ASIC2: variants seen among roughly 807,000 people sequenced by gnomAD.
ASIC2 encodes acid sensing ion channel subunit 2.
A neutral mutation model predicts 57.3 loss-of-function variants in ASIC2; 25 were observed. That is an observed-to-expected ratio of 0.44 (90% CI 0.32 to 0.61). The LOEUF (loss-of-function observed/expected upper bound fraction) is 0.61. Among genes scored for constraint, ASIC2 ranks in the 20% least tolerant of loss-of-function variants. The pLI is 0.06. For synonymous variants in ASIC2, 319 were observed against 307.5 expected, an observed-to-expected ratio of 1.04 and a Z score of -0.39; for missense variants, 641 against 738.1, an observed-to-expected ratio of 0.87 and a Z score of 1.52.
intron 1 of ASIC2, among the ~76,000 whole-genome samples, chr17:33,774,146 C>A (rs1183749408): frequency 6.6e-6 from 1 of 152,182 alleles, no homozygotes; most frequent in African/African-American, 2.4e-5. Context: ...CATATTTCTT[C>A]CCCTGCATCA....
At chr17:33,075,940 G>A (rs2092087510) in intron 3 of ASIC2, among the ~76,000 whole-genome samples, 1 of 152,172 alleles carries the variant, frequency 6.6e-6, no homozygotes, top group Non-Finnish European at 1.5e-5. Context: ...GATTTTAGGA[G>A]CTAAGGAACA....
chr17:33,162,994 TGA>T (rs1196394369), intron 1 of ASIC2, among the ~76,000 whole-genome samples: 2 of 152,212 alleles, frequency 1.3e-5, no homozygotes, highest in African/African-American at 4.8e-5. Context: ...GAACTCTGAC[TGA>T]GAGTCTACTG....
chr17:33,750,931 G>A (rs1424302499), intron 1 of ASIC2, among the ~76,000 whole-genome samples: 1 of 152,132 alleles, frequency 6.6e-6, no homozygotes, highest in South Asian at 2.1e-4. Flanking sequence ...GCAAGACTCA[G>A]GGAAATAAAG....
intron 1 of ASIC2, among the ~76,000 whole-genome samples, chr17:33,578,773 G>T (rs1257132884): frequency 7.0e-6 from 1 of 141,990 alleles, no homozygotes; most frequent in Non-Finnish European, 1.5e-5. Context: ...GGAAGGTGCT[G>T]ATTTCGCATA....
intron 1 of ASIC2, among the ~76,000 whole-genome samples, chr17:33,854,888 C>T (rs73288654): frequency 0.023 from 3,568 of 152,288 alleles, 119 homozygotes; most frequent in African/African-American, 0.081. Flanking sequence ...AAAACACGTG[C>T]TGTCTCCAGA....
chr17:33,277,457 G>A (rs1904750880), intron 1 of ASIC2, among the ~76,000 whole-genome samples: 1 of 152,170 alleles, frequency 6.6e-6, no homozygotes, highest in Non-Finnish European at 1.5e-5. Context: ...TGGCTTTACT[G>A]CACCACATGG....
chr17:33,443,044 G>T (rs1280573237), intron 1 of ASIC2, among the ~76,000 whole-genome samples: 5 of 152,114 alleles, frequency 3.3e-5, no homozygotes. Flanking sequence ...TATGGTTTTT[G>T]ATATTTCTTC....
At chr17:33,503,637 A>G (rs945898235) in intron 1 of ASIC2, among the ~76,000 whole-genome samples, 1 of 152,018 alleles carries the variant, frequency 6.6e-6, no homozygotes, top group Non-Finnish European at 1.5e-5. Context: ...TCCTCCTCCA[A>G]ATCAAAACCT....
Position 33,959,025 on chromosome 17 carries a change from T to G in ASIC2, c.555+196953A>C, listed in dbSNP as rs1904834042. Reference sequence around the variant, plus strand: ...TGCAAAAAGCATAACAAGAGTGACCTTGGCTCCAGTTCCTAAGTTCCTCAT... The same window carrying G: ...TGCAAAAAGCATAACAAGAGTGACCGTGGCTCCAGTTCCTAAGTTCCTCAT... On this transcript the variant is annotated intron_variant, in intron 1 of 9. Coordinates refer to the ASIC2 transcript ENST00000359872. 2.0e-5 allele frequency among the ~76,000 whole-genome samples: 3 copies of G among 152,318 alleles called. No individual in the cohort carries two copies. In the South Asian group the frequency reaches 6.2e-4, roughly 32 times the overall value.
At chr17:33,913,960 C>G (rs1915526742) in intron 1 of ASIC2, among the ~76,000 whole-genome samples, 1 of 152,216 alleles carries the variant, frequency 6.6e-6, no homozygotes. Context: ...AACTCGGAGA[C>G]TATGTCTGGG....
At chr17:33,081,175 C>A (rs1041628274) in intron 3 of ASIC2, among the ~76,000 whole-genome samples, 1 of 152,156 alleles carries the variant, frequency 6.6e-6, no homozygotes, top group Non-Finnish European at 1.5e-5. Flanking sequence ...TTGAAGAATC[C>A]TTCTAATTCC....
intron 1 of ASIC2, among the ~76,000 whole-genome samples, chr17:33,330,903 C>A (rs891629048): frequency 6.6e-6 from 1 of 152,122 alleles, no homozygotes. Context: ...CAGAAACAAA[C>A]ATTAAGATCC....
chr17:33,547,829 AC>A (rs1230438793), intron 1 of ASIC2, among the ~76,000 whole-genome samples: 6 of 152,126 alleles, frequency 3.9e-5, no homozygotes, highest in African/African-American at 1.4e-4. Context: ...CAGTCTCCCC[AC>A]CTCATACCCA....
intron 1 of ASIC2, among the ~76,000 whole-genome samples, chr17:34,011,064 C>CAGACACAG (rs374286376): frequency 5.6e-4 from 6 of 10,784 alleles, no homozygotes; most frequent in African/African-American, 7.9e-4. Context: ...CAGACACACA[C>CAGACACAG]ATGCCTCCAG....
intron 1 of ASIC2, among the ~76,000 whole-genome samples, chr17:33,808,662 C>T (rs1333285473): frequency 6.6e-6 from 1 of 152,190 alleles, no homozygotes; most frequent in East Asian, 1.9e-4. Context: ...TGGTGATGAT[C>T]ACATCATTAA....
intron 1 of ASIC2, among the ~76,000 whole-genome samples, chr17:33,879,039 T>A (rs1914628795): frequency 6.6e-6 from 1 of 152,004 alleles, no homozygotes; most frequent in African/African-American, 2.4e-5. Context: ...ATAAAATACT[T>A]TACAGACAAG....
chr17:33,064,955 T>C (rs1190098751), intron 3 of ASIC2, among the ~76,000 whole-genome samples: 1 of 152,162 alleles, frequency 6.6e-6, no homozygotes, highest in African/African-American at 2.4e-5. Context: ...TGGGGAATGA[T>C]TGAGAACATG....
intron 1 of ASIC2, among the ~76,000 whole-genome samples, chr17:33,829,210 C>T (rs1335442901): frequency 6.6e-6 from 1 of 152,184 alleles, no homozygotes; most frequent in Non-Finnish European, 1.5e-5. Flanking sequence ...GAGATCCACC[C>T]TTAGTCGTGG....
At chr17:33,997,395 C>T (rs138491706) in intron 1 of ASIC2, among the ~76,000 whole-genome samples, 241 of 143,846 alleles carry the variant, frequency 1.7e-3, no homozygotes, top group African/African-American at 5.9e-3. Context: ...CTCAAGCGAT[C>T]GGCCAGCCTT....
Sources: gnomAD v4.1 joint callset for allele counts (sites outside exome capture counted in the v4.1 genomes callset) on GRCh38, gnomAD v4.1.1 for gene constraint, MANE v1.5 for transcripts, NCBI Gene and HGNC (gene_info 2026-07-23, HGNC 2026-07-21) for gene names.